UBASH3B: variants seen among roughly 807,000 people sequenced by gnomAD.
UBASH3B encodes ubiquitin associated and SH3 domain containing B, also known as ubiquitin-associated and SH3 domain-containing protein B.
In UBASH3B, 37 loss-of-function variants were observed where a neutral mutation model predicts 83.4. The ratio of observed to expected loss-of-function variants is 0.44; its 90% CI spans 0.34 to 0.58. The LOEUF (loss-of-function observed/expected upper bound fraction) is 0.58, where lower values mean the gene tolerates loss of function less well. Among genes scored for constraint, UBASH3B ranks in the 20% least tolerant of loss-of-function variants. UBASH3B has a pLI of 0.01. For missense variants in UBASH3B, 657 were observed against 827.2 expected (o/e 0.79, Z 2.52); for synonymous variants, 304 against 318.3 (o/e 0.96, Z 0.48).
At chr11:122,746,039 T>C (rs1239797181) in intron 1 of UBASH3B, among the ~76,000 whole-genome samples, 1 of 152,154 alleles carries the variant, frequency 6.6e-6, no homozygotes, top group Non-Finnish European at 1.5e-5. Flanking sequence ...ATGTTCAACA[T>C]GTGTGGGATG....
intron 11 of UBASH3B, among the ~76,000 whole-genome samples, chr11:122,801,969 A>T (rs1334850169): frequency 6.6e-6 from 1 of 152,170 alleles, no homozygotes; most frequent in Non-Finnish European, 1.5e-5. Context: ...CTGGGATTTT[A>T]AAAAGTGTTT....
chr11:122,773,132 GA>G (rs1427739415), intron 1 of UBASH3B, among the ~76,000 whole-genome samples: 1 of 152,240 alleles, frequency 6.6e-6, no homozygotes, highest in Non-Finnish European at 1.5e-5. Flanking sequence ...GAGGATAGCA[GA>G]TGCGCAGACT....
At chr11:122,678,167 A>T (rs1374570778) in intron 1 of UBASH3B, among the ~76,000 whole-genome samples, 1 of 152,212 alleles carries the variant, frequency 6.6e-6, no homozygotes, top group African/African-American at 2.4e-5. Context: ...ATACCATCAT[A>T]TTAAAGGTTA....
chr11:122,776,202 T>C lies in UBASH3B; in HGVS notation c.162-17T>C. On this transcript the variant is annotated splice_polypyrimidine_tract_variant and intron_variant, in intron 1 of 13. Coordinates refer to ENST00000284273, the MANE Select transcript of UBASH3B (RefSeq NM_032873.5). ...GGCTAAAAATATTAACAATAGAAAT[T>C]TGATTTCTTCTTTCAGACAAAAAGC... The C allele has an allele frequency of 9.3e-6, 15 of 1,609,304 alleles. No homozygotes were observed. Among genetic ancestry groups the C allele is most frequent in the Non-Finnish European group, 1.3e-5 (15 of 1,178,068 alleles).
chr11:122,745,052 T>C (rs1436783449), intron 1 of UBASH3B, among the ~76,000 whole-genome samples: 1 of 152,168 alleles, frequency 6.6e-6, no homozygotes, highest in East Asian at 1.9e-4. Context: ...CCCGTCTGCC[T>C]GAGTGGCAAA....
intron 1 of UBASH3B, among the ~76,000 whole-genome samples, chr11:122,755,266 G>A (rs1277760008): frequency 1.3e-5 from 2 of 152,132 alleles, no homozygotes; most frequent in Non-Finnish European, 2.9e-5. Flanking sequence ...GCACAAGGAC[G>A]TGCAGCTCCA....
intron 1 of UBASH3B, among the ~76,000 whole-genome samples, chr11:122,680,558 G>A (rs1188289479): frequency 1.3e-5 from 2 of 152,126 alleles, no homozygotes; most frequent in African/African-American, 4.8e-5. Context: ...CTGACACCTG[G>A]GTTCAAGCGA....
At chr11:122,698,335 C>T (rs1479687144) in intron 1 of UBASH3B, among the ~76,000 whole-genome samples, 1 of 152,000 alleles carries the variant, frequency 6.6e-6, no homozygotes, top group African/African-American at 2.4e-5. Flanking sequence ...TTCTGTTGCT[C>T]CCCACCTTCC....
At chr11:122,728,185 C>T (rs1441330393) in intron 1 of UBASH3B, among the ~76,000 whole-genome samples, 1 of 152,156 alleles carries the variant, frequency 6.6e-6, no homozygotes, top group Non-Finnish European at 1.5e-5. Context: ...GGAGGATCTA[C>T]ATGCCTGTCC....
chr11:122,722,276 TA>T (rs1860651601), intron 1 of UBASH3B, among the ~76,000 whole-genome samples: 3 of 152,212 alleles, frequency 2.0e-5, no homozygotes, highest in Admixed American at 6.5e-5. Flanking sequence ...GACTTTGACT[TA>T]AACATTCTGC....
chr11:122,789,033 C>T, intron 5 of UBASH3B, 67 bp from the exon 6 acceptor site: 1 of 1,433,164 alleles, frequency 7.0e-7, no homozygotes, highest in Non-Finnish European at 9.7e-7. Context: ...AACATACAGT[C>T]CTGCCCTCAA....
At chr11:122,739,131 G>A (rs925657704) in intron 1 of UBASH3B, among the ~76,000 whole-genome samples, 1 of 152,100 alleles carries the variant, frequency 6.6e-6, no homozygotes, top group African/African-American at 2.4e-5. Context: ...CTGAGTAGCT[G>A]AGACTACAGC....
At chr11:122,661,629 T>C (rs780918831) in intron 1 of UBASH3B, among the ~76,000 whole-genome samples, 18 of 152,160 alleles carry the variant, frequency 1.2e-4, no homozygotes, top group Non-Finnish European at 2.5e-4. Context: ...CTTCTATCTG[T>C]GTTATTATAC....
At chr11:122,764,174 A>G (rs981107092) in intron 1 of UBASH3B, among the ~76,000 whole-genome samples, 3 of 152,226 alleles carry the variant, frequency 2.0e-5, no homozygotes, top group Non-Finnish European at 2.9e-5. Flanking sequence ...CTTAATATCC[A>G]TGAGAAGAGG....
At chr11:122,730,482 G>A (rs1205306155) in intron 1 of UBASH3B, among the ~76,000 whole-genome samples, 1 of 152,156 alleles carries the variant, frequency 6.6e-6, no homozygotes, top group African/African-American at 2.4e-5. Flanking sequence ...GACACCCAGA[G>A]AGGCCTATCC....
chr11:122,801,914 C>A (rs909300667), intron 11 of UBASH3B, among the ~76,000 whole-genome samples: 3 of 152,224 alleles, frequency 2.0e-5, no homozygotes, highest in African/African-American at 7.2e-5. Context: ...GCTGTACAGT[C>A]ATCTCATTCC....
intron 1 of UBASH3B, among the ~76,000 whole-genome samples, chr11:122,667,172 T>G (rs1159743342): frequency 1.3e-5 from 2 of 151,094 alleles, no homozygotes; most frequent in South Asian, 4.2e-4. Flanking sequence ...GCTTCCTAAG[T>G]AGCTGGGATT....
At chr11:122,739,426 G>A (rs977676213) in intron 1 of UBASH3B, among the ~76,000 whole-genome samples, 2 of 152,124 alleles carry the variant, frequency 1.3e-5, no homozygotes, top group Non-Finnish European at 2.9e-5. Flanking sequence ...CTAATAAAAT[G>A]GGAATAATAA....
At chr11:122,738,208 A>G (rs1243289688) in intron 1 of UBASH3B, among the ~76,000 whole-genome samples, 1 of 152,230 alleles carries the variant, frequency 6.6e-6, no homozygotes, top group Non-Finnish European at 1.5e-5. Flanking sequence ...AGCCTCATCC[A>G]TAAGTTGGAA....
Sources: allele counts gnomAD v4.1 joint callset (sites outside exome capture counted in the v4.1 genomes callset), GRCh38; gene constraint gnomAD v4.1.1; transcripts MANE v1.5; gene names NCBI Gene and HGNC (gene_info 2026-07-23, HGNC 2026-07-21).